The following SH3YL1 variants were observed in gnomAD, a reference collection of about 807,000 sequenced individuals.
SH3YL1 encodes the protein SH3 domain-containing YSC84-like protein 1.
SH3YL1 carries 41 observed loss-of-function variants against 45.8 expected under a neutral mutation model. The observed-to-expected ratio is 0.89, with a 90% CI of 0.70 to 1.16. SH3YL1 has a LOEUF of 1.16. Ranked by LOEUF, SH3YL1 falls within the 50% of genes most tolerant of loss-of-function variation. SH3YL1 has a pLI of 0.00. For synonymous variants in SH3YL1, 152 were observed against 151.4 expected, an observed-to-expected ratio of 1.00 and a Z score of -0.03; for missense variants, 389 against 409.6, an observed-to-expected ratio of 0.95 and a Z score of 0.43.
chr2:230,915 C>G, intron 7 of SH3YL1, 108 bp downstream of exon 7: 1 of 1,040,746 alleles, frequency 9.6e-7, no homozygotes, highest in South Asian at 1.3e-5. Flanking sequence ...GTCAGTGAAA[C>G]TACGAAGGAG....
chr2:255,729 GA>G (rs146370612), intron 1 of SH3YL1: 8,330 of 152,200 alleles, frequency 0.055, 295 homozygotes, highest in Middle Eastern at 0.095. Flanking sequence ...TCCAGACCAG[GA>G]AAAAAATCCA....
chr2:262,893 T>C (rs1669645716), intron 1 of SH3YL1: 1 of 361,260 alleles, frequency 2.8e-6, no homozygotes, highest in Non-Finnish European at 5.0e-6. Flanking sequence ...TTTACAGAAA[T>C]TTTCTTTAAA....
chr2:225,214 T>C (rs1167625147), intron 8 of SH3YL1, among the ~76,000 whole-genome samples: 4 of 152,234 alleles, frequency 2.6e-5, no homozygotes, highest in African/African-American at 7.2e-5. Flanking sequence ...TTCAATTGCA[T>C]TGAAGGCAAA....
At chr2:225,559 T>C (rs370187403) in intron 8 of SH3YL1, among the ~76,000 whole-genome samples, 81 of 152,336 alleles carry the variant, frequency 5.3e-4, no homozygotes, top group African/African-American at 1.9e-3. Flanking sequence ...CACACACCAG[T>C]GTGAAGGCCA....
Position 218,629 on chromosome 2 carries a change from GTATT to G in SH3YL1, c.*178_*181del, listed in dbSNP as rs1667449450. ...GTAAGTGTGATAAAGTTAGTACAAA[GTATT>G]TAAAGATATGTCAGTCAGCTCTTTT... On this transcript the variant is annotated 3_prime_UTR_variant, in exon 10 of 10. Transcript: ENST00000356150. 1.8e-6 allele frequency: 1 copy of G among 568,354 alleles called. No homozygotes were observed. 35.2% of individuals were successfully genotyped at this position (568,354 alleles called of 1,614,324 possible). A position where few individuals can be genotyped will look rare whatever the true frequency, so the allele number is the denominator to read the frequency against.
intron 4 of SH3YL1, chr2:239,942 G>A (rs1290495054): frequency 6.6e-6 from 1 of 152,304 alleles, no homozygotes; most frequent in African/African-American, 2.4e-5. Context: ...CAGCCTGATG[G>A]AAGCTCCTCT....
intron 4 of SH3YL1, among the ~76,000 whole-genome samples, chr2:244,896 C>G (rs1361030016): frequency 6.6e-6 from 1 of 151,992 alleles, no homozygotes; most frequent in Non-Finnish European, 1.5e-5. Context: ...CAGCCAGTGA[C>G]CTGAGTCAGA....
chr2:251,014 TTC>T (rs1450513851), intron 2 of SH3YL1, among the ~76,000 whole-genome samples: 8 of 152,218 alleles, frequency 5.3e-5, no homozygotes, highest in African/African-American at 1.9e-4. Flanking sequence ...CTTCCTCACA[TTC>T]TGTTCTCGAT....
Position 264,006 on chromosome 2 carries a change from C to G in SH3YL1, c.-22G>C, listed in dbSNP as rs888779488. 2.8e-6 allele frequency: 4 copies of G among 1,447,948 alleles called. No homozygotes were observed. The East Asian group carries it at 8.8e-5, about 32-fold the overall frequency. The allele number at this position is 1,447,948 out of a possible 1,614,324, so 89.7% of individuals were successfully genotyped here. A position where few individuals can be genotyped will look rare whatever the true frequency, so the allele number is the denominator to read the frequency against. ...CACTGCTGCCCGCCCGGCCGCGGCG[C>G]CCCGTCCCGAGGCTGCCCAGGAAGA... On this transcript the variant is annotated 5_prime_UTR_variant, in exon 1 of 10. Transcript: ENST00000356150.
At position 249,625 on chromosome 2, in the gene SH3YL1, T is replaced by C. The variant is rs1668986105; in HGVS notation, c.226+106A>G. 7 of 796,058 alleles carry C rather than the reference T, an allele frequency of 8.8e-6. No individual in the cohort carries two copies. In the South Asian group the frequency reaches 1.0e-4, roughly 12 times the overall value. 49.3% of individuals were successfully genotyped at this position (796,058 alleles called of 1,614,324 possible). A position where few individuals can be genotyped will look rare whatever the true frequency, so the allele number is the denominator to read the frequency against. ...GTAGCCCTTATTACATAAGTTTTAG[T>C]TGATATGCAGGAAACCTGTCCTACT... On this transcript the variant is annotated intron_variant, in intron 3 of 9. Transcript: ENST00000356150.
intron 1 of SH3YL1, chr2:256,315 T>C (rs1484896699): frequency 6.6e-6 from 1 of 152,268 alleles, no homozygotes; most frequent in Non-Finnish European, 1.5e-5. Context: ...CCAGTCACTG[T>C]TGATAGACAA....
chr2:239,568 T>C (rs1668455867), intron 4 of SH3YL1: 1 of 152,186 alleles, frequency 6.6e-6, no homozygotes, highest in South Asian at 2.1e-4. Flanking sequence ...TTATTCAACT[T>C]AAAAATTTTT....
rs780914198 is a variant in SH3YL1 at position 234,200 on chromosome 2, G to A, written c.364C>T (p.Leu122Phe). The change falls in exon 5 of 10, where the codon CTC becomes TTC. Residue 122 changes from leucine (L) to phenylalanine (F), a missense_variant. Coordinates refer to ENST00000356150, the MANE Select transcript of SH3YL1 (RefSeq NM_015677.4). ...ACCGCCACAGTCAAGTTCCCTCCGA[G>A]GGTCAGATTTCCGCCTTTTGCAAAA... ...EAFAKGGNLT[L>F]GGNLTVAVGP... is the part of the protein sequence containing the mutation. 1 of 1,613,964 alleles carries A rather than the reference G, an allele frequency of 6.2e-7. No homozygotes were observed. The highest frequency in any genetic ancestry group is 1.3e-5 in the African/African-American group (1 of 74,910).
chr2:244,229 G>A (rs1052983610), intron 4 of SH3YL1, among the ~76,000 whole-genome samples: 1 of 152,114 alleles, frequency 6.6e-6, no homozygotes, highest in Non-Finnish European at 1.5e-5. Flanking sequence ...TGGAGCGGTG[G>A]CTCACGCCTT....
chr2:247,009 C>T (rs1206368315), intron 4 of SH3YL1, among the ~76,000 whole-genome samples: 1 of 152,200 alleles, frequency 6.6e-6, no homozygotes, highest in East Asian at 1.9e-4. Context: ...CTAAGAGGAT[C>T]CCCGTGTAGG....
chr2:234,688 C>T (rs970036906), intron 4 of SH3YL1, among the ~76,000 whole-genome samples: 18 of 152,030 alleles, frequency 1.2e-4, no homozygotes, highest in African/African-American at 4.3e-4. Context: ...AAGCCAAGCC[C>T]GAAGAGCACA....
At chr2:227,798 T>C (rs577382885) in intron 8 of SH3YL1, among the ~76,000 whole-genome samples, 1 of 151,146 alleles carries the variant, frequency 6.6e-6, no homozygotes, top group East Asian at 1.9e-4. Flanking sequence ...ATAGGTGAAA[T>C]GGGAAAAGGA....
At chr2:255,801 T>C (rs921241579) in intron 1 of SH3YL1, 4 of 152,224 alleles carry the variant, frequency 2.6e-5, no homozygotes, top group Admixed American at 2.6e-4. Context: ...AGATACTTTA[T>C]GCAAAATTAA....
intron 1 of SH3YL1, among the ~76,000 whole-genome samples, chr2:254,934 C>T (rs977413587): frequency 6.6e-5 from 10 of 152,224 alleles, no homozygotes; most frequent in African/African-American, 2.4e-4. Context: ...TGTCTTCTAT[C>T]TATTTATGAT....
Sources: allele counts gnomAD v4.1 joint callset (sites outside exome capture counted in the v4.1 genomes callset), GRCh38; gene constraint gnomAD v4.1.1; transcripts MANE v1.5; gene names NCBI Gene and HGNC (gene_info 2026-07-23, HGNC 2026-07-21).